The following GRIPAP1 variants were observed in gnomAD, a reference collection of about 807,000 sequenced individuals.
The protein encoded by GRIPAP1 is GRIP1 associated protein 1.
GRIPAP1 carries 14 observed loss-of-function variants against 84.1 expected under a neutral mutation model. That is an observed-to-expected ratio of 0.17 (90% confidence interval 0.11 to 0.26). The LOEUF (loss-of-function observed/expected upper bound fraction) is 0.26, where lower values mean the gene tolerates loss of function less well. Ranked by LOEUF, GRIPAP1 falls within the 10% of genes least tolerant of loss-of-function variation. The pLI is 1.00. For missense variants in GRIPAP1, 518 were observed against 674.2 expected (o/e 0.77, Z 2.57); for synonymous variants, 261 against 256.8 (o/e 1.02, Z -0.15).
chrX:48,997,225 C>CT lies in GRIPAP1; in HGVS notation c.306+24dup, dbSNP rs782647842. On this transcript the variant is annotated intron_variant, in intron 5 of 25. Transcript: ENST00000376423. ...AGATGACCCCTACCCCTCATTTCCC[C>CT]TTTGACTATCCCAGGCACCAGCACC... The CT allele has an allele frequency of 3.4e-6, 3 of 891,682 alleles. No individual in the cohort carries two copies. In the South Asian group the frequency reaches 6.3e-5, roughly 19 times the overall value. The allele number at this position is 891,682 out of a possible 1,213,427, so 73.5% of individuals were successfully genotyped here.
rs2064584181 is a variant in GRIPAP1 at position 49,002,168 on chromosome X, T to C, written c.42+20A>G. On this transcript the variant is annotated intron_variant, in intron 1 of 25. Coordinates refer to ENST00000376423, the MANE Select transcript of GRIPAP1 (RefSeq NM_020137.5). ...CCCCCGGTCGCCTAGCCGGGTGGTCTTTCCCACCGCGAGCGGCACCTGCAT... is the reference window on the plus strand; with the variant it reads ...CCCCCGGTCGCCTAGCCGGGTGGTCCTTCCCACCGCGAGCGGCACCTGCAT... 1.8e-6 allele frequency: 2 copies of C among 1,139,573 alleles called. No homozygotes were observed. Among genetic ancestry groups the C allele is most frequent in the Non-Finnish European group, 2.4e-6 (2 of 837,346 alleles). 93.9% of individuals were successfully genotyped at this position (1,139,573 alleles called of 1,213,427 possible). A position where few individuals can be genotyped will look rare whatever the true frequency, so the allele number is the denominator to read the frequency against.
Position 48,993,460 on chromosome X carries a change from G to C in GRIPAP1, c.425C>G (p.Ala142Gly). Reference sequence around the variant, plus strand: ...GTTCTTCTGCAAGGCTGTGTTTTCAGCCTGTAGCCTCAGCAGCTCCCCATC... The same window carrying C: ...GTTCTTCTGCAAGGCTGTGTTTTCACCCTGTAGCCTCAGCAGCTCCCCATC... Reference protein sequence around the residue: ...LVDGELLRLQAENTALQKNVA... With the variant: ...LVDGELLRLQGENTALQKNVA... The change falls in exon 6 of 26, where the codon GCT becomes GGT. Residue 142 changes from alanine (A) to glycine (G), a missense_variant. This residue lies in a region of GRIPAP1 where 372 missense variants were observed against 458.1 expected (regional missense o/e 0.81). Coordinates refer to ENST00000376423, the MANE Select transcript of GRIPAP1 (RefSeq NM_020137.5). The C allele has an allele frequency of 8.5e-7, 1 of 1,182,796 alleles. No individual in the cohort carries two copies. Among genetic ancestry groups the C allele is most frequent in the Non-Finnish European group, 1.1e-6 (1 of 881,378 alleles).
intron 5 of GRIPAP1, among the ~76,000 whole-genome samples, chrX:48,996,140 G>A (rs2064545868): frequency 8.9e-6 from 1 of 112,067 alleles, no homozygotes; most frequent in Non-Finnish European, 1.9e-5. Flanking sequence ...CAAGGTTACA[G>A]TTAGTAAAAG....
chrX:49,000,796 G>C (rs1382336538), intron 1 of GRIPAP1: 3 of 110,431 alleles, frequency 2.7e-5, no homozygotes, highest in Non-Finnish European at 3.8e-5. Flanking sequence ...TCCCATTAAG[G>C]AACTTACTGT....
intron 8 of GRIPAP1, 23 bp from the exon 9 acceptor site, chrX:48,990,026 G>A: frequency 8.9e-7 from 1 of 1,119,127 alleles, no homozygotes. Context: ...GTACAGACAA[G>A]TGATAACATT....
intron 11 of GRIPAP1, 88 bp from the exon 12 acceptor site, chrX:48,988,286 G>T: frequency 1.6e-6 from 1 of 636,290 alleles, no homozygotes; most frequent in Non-Finnish European, 2.5e-6. Flanking sequence ...CCACCCAGCA[G>T]CATGTTCTCA....
intron 22 of GRIPAP1, chrX:48,978,032 G>GT: frequency 7.1e-6 from 2 of 283,337 alleles, no homozygotes; most frequent in Non-Finnish European, 1.3e-5. Flanking sequence ...TCCTTGGATG[G>GT]TGCACCTACT....
intron 14 of GRIPAP1, among the ~76,000 whole-genome samples, chrX:48,984,435 T>C (rs1723278991): frequency 1.8e-5 from 2 of 110,832 alleles, no homozygotes; most frequent in South Asian, 3.8e-4. Context: ...TAATCTACTA[T>C]TATTCTGGTT....
intron 21 of GRIPAP1, chrX:48,980,845 T>C (rs1351686660): frequency 2.0e-5 from 4 of 196,245 alleles, no homozygotes; most frequent in Non-Finnish European, 3.6e-5. Context: ...ATCACACCAT[T>C]GCACTCCAGC....
At chrX:48,976,413 C>A (rs2064423125) in intron 22 of GRIPAP1, 50 bp from the exon 23 acceptor site, 1 of 1,163,762 alleles carries the variant, frequency 8.6e-7, no homozygotes, top group African/African-American at 1.8e-5. Context: ...GCACCACCGA[C>A]CCCAGACAGG....
intron 15 of GRIPAP1, 82 bp downstream of exon 15, chrX:48,983,693 G>A (rs1055772580): frequency 2.5e-5 from 16 of 646,750 alleles, no homozygotes; most frequent in Non-Finnish European, 3.1e-5. Flanking sequence ...CACATGTTTG[G>A]TTATATCACC....
rs2064584972 is a variant in GRIPAP1, at chrX:49,002,241, CA to C, written c.-13del. On this transcript the variant is annotated 5_prime_UTR_variant, in exon 1 of 26. Transcript: ENST00000376423. ...AGAGCTTGCGCCATGTTCCTCCCCC[CA>C]CCCCCCCGCCAGCTTTCTGCGCAGA... The C allele has an allele frequency of 9.0e-7, 1 of 1,108,399 alleles. No individual in the cohort carries two copies. Among genetic ancestry groups the C allele is most frequent in the Non-Finnish European group, 1.2e-6 (1 of 811,070 alleles). The allele number at this position is 1,108,399 out of a possible 1,213,427, so 91.3% of individuals were successfully genotyped here. A position where few individuals can be genotyped will look rare whatever the true frequency, so the allele number is the denominator to read the frequency against.
At chrX:48,983,923 T>C in intron 14 of GRIPAP1, 53 bp from the exon 15 acceptor site, 5 of 741,931 alleles carry the variant, frequency 6.7e-6, no homozygotes, top group Non-Finnish European at 8.6e-6. Context: ...CAGTAGGTGC[T>C]AGTCACCCAG....
chrX:48,984,786 G>C (rs1474493527), intron 14 of GRIPAP1, among the ~76,000 whole-genome samples: 1 of 106,932 alleles, frequency 9.4e-6, no homozygotes, highest in African/African-American at 3.4e-5. Flanking sequence ...ACTTCGGGAG[G>C]CCGAGGCGGG....
At chrX:48,995,891 G>T (rs782063328) in intron 5 of GRIPAP1, among the ~76,000 whole-genome samples, 1 of 111,435 alleles carries the variant, frequency 9.0e-6, no homozygotes, top group Non-Finnish European at 1.9e-5. Context: ...CACCACGCCC[G>T]GCCATAAAAC....
chrX:48,992,550 C>T (rs1376156691), intron 6 of GRIPAP1, among the ~76,000 whole-genome samples: 2 of 112,084 alleles, frequency 1.8e-5, no homozygotes, highest in Admixed American at 1.9e-4. Context: ...CCACCCATAG[C>T]CCTTGAAGGC....
At chrX:48,978,856 T>A (rs188183695) in intron 21 of GRIPAP1, among the ~76,000 whole-genome samples, 65 of 105,475 alleles carry the variant, frequency 6.2e-4, no homozygotes, top group Non-Finnish European at 1.2e-3. Context: ...AATCGCACCA[T>A]TGCACTCCAG....
At chrX:48,992,827 C>CA (rs1569519975) in intron 6 of GRIPAP1, among the ~76,000 whole-genome samples, 2 of 106,717 alleles carry the variant, frequency 1.9e-5, no homozygotes, top group Non-Finnish European at 3.9e-5. Context: ...CAAATATCTC[C>CA]TTTTTTTTTT....
chrX:48,979,529 C>T (rs970895223), intron 21 of GRIPAP1, among the ~76,000 whole-genome samples: 5 of 104,565 alleles, frequency 4.8e-5, no homozygotes, highest in Non-Finnish European at 9.8e-5. Flanking sequence ...CTCGTACCCA[C>T]GCACCTAAAT....
Sources: allele counts gnomAD v4.1 joint callset (sites outside exome capture counted in the v4.1 genomes callset), GRCh38; gene constraint gnomAD v4.1.1; regional missense constraint gnomAD v4.1.1; transcripts MANE v1.5; gene names NCBI Gene and HGNC (gene_info 2026-07-23, HGNC 2026-07-21).